The following KCTD1 variants were observed in gnomAD, a reference collection of about 807,000 sequenced individuals.
KCTD1 encodes BTB/POZ domain-containing protein KCTD1.
Under a neutral mutation model 66.0 loss-of-function variants are expected in KCTD1, and 24 were observed. That is an observed-to-expected ratio of 0.36 (90% confidence interval 0.26 to 0.51). The LOEUF is 0.51. Among genes scored for constraint, KCTD1 ranks in the 20% least tolerant of loss-of-function variants. KCTD1 has a pLI of 0.95. For synonymous variants in KCTD1, 511 were observed against 517.2 expected (o/e 0.99, Z 0.16); for missense variants, 943 against 1,205.2 (o/e 0.78, Z 3.22).
intron 2 of KCTD1, among the ~76,000 whole-genome samples, chr18:26,489,968 A>G (rs1005654732): frequency 2.0e-5 from 3 of 152,218 alleles, no homozygotes; most frequent in Non-Finnish European, 4.4e-5. Context: ...TGGTATGATA[A>G]GGGTAGACTC....
At chr18:26,516,304 T>C (rs1017691379) in intron 1 of KCTD1, among the ~76,000 whole-genome samples, 9 of 152,234 alleles carry the variant, frequency 5.9e-5, no homozygotes, top group African/African-American at 1.7e-4. Flanking sequence ...AATGCCTGTG[T>C]GCTTCCCTGT....
rs936064879 is a variant in KCTD1 at position 26,513,287 on chromosome 18, T to C, written c.1810-12037A>G. On this transcript the variant is annotated intron_variant, in intron 1 of 4. Coordinates refer to ENST00000580059, the MANE Select transcript of KCTD1 (RefSeq NM_001142730.3). ...TATTTTTAGTAGAGACGGGGTTTCATCGCGTTAGCCAGGATGGTCTCCATC... is the reference window on the plus strand; with the variant it reads ...TATTTTTAGTAGAGACGGGGTTTCACCGCGTTAGCCAGGATGGTCTCCATC... 4.3e-3 allele frequency among the ~76,000 whole-genome samples: 651 copies of C among 152,116 alleles called. 5 individuals are homozygous for C. The highest frequency in any genetic ancestry group is 0.015 in the African/African-American group (622 of 41,494).
At chr18:26,649,166 C>T (rs771043739) in intron 1 of KCTD1, among the ~76,000 whole-genome samples, 10 of 152,338 alleles carry the variant, frequency 6.6e-5, no homozygotes, top group Non-Finnish European at 1.2e-4. Context: ...CTGTTCCATT[C>T]CCTGGCAGCA....
upstream of KCTD1, among the ~76,000 whole-genome samples, chr18:26,631,502 T>C (rs1169853845): frequency 1.3e-5 from 2 of 152,184 alleles, no homozygotes; most frequent in African/African-American, 4.8e-5. Context: ...GGTATTCTAA[T>C]CTAATGGGAC....
Position 26,589,905 on chromosome 18 carries a change from G to A in KCTD1, c.-16+39242C>T, listed in dbSNP as rs188722245. 3.3e-5 allele frequency among the ~76,000 whole-genome samples: 5 copies of A among 152,134 alleles called. No individual in the cohort carries two copies. In the South Asian group the frequency reaches 1.0e-3, roughly 32 times the overall value. On this transcript the variant is annotated intron_variant, in intron 1 of 4. Transcript: ENST00000317932. ...GAAACAGCATCTTCTCTGACTTCAT[G>A]AAGTCATAACTACATGTGATACCCA...
chr18:26,503,405 T>C (rs1982867750), intron 1 of KCTD1, among the ~76,000 whole-genome samples: 1 of 152,134 alleles, frequency 6.6e-6, no homozygotes, highest in African/African-American at 2.4e-5. Context: ...ACAGAAAACA[T>C]ATTTTTCCTT....
upstream of KCTD1, chr18:26,549,893 GC>G: frequency 1.2e-6 from 1 of 803,992 alleles, no homozygotes; most frequent in Non-Finnish European, 1.5e-6. Context: ...CCCCCGGCGC[GC>G]CCAGGCTCCG....
chr18:26,640,814 T>G (rs931087128), upstream of KCTD1, among the ~76,000 whole-genome samples: 2 of 152,068 alleles, frequency 1.3e-5, no homozygotes, highest in African/African-American at 4.8e-5. Flanking sequence ...CACTGGTTTG[T>G]TCTAAAGTCA....
chr18:26,643,759 G>T (rs184640408), upstream of KCTD1, among the ~76,000 whole-genome samples: 1 of 152,102 alleles, frequency 6.6e-6, no homozygotes, highest in Non-Finnish European at 1.5e-5. Context: ...TCAGGAGATG[G>T]AGACCATCCT....
intron 1 of KCTD1, among the ~76,000 whole-genome samples, chr18:26,647,551 A>G (rs892481050): frequency 1.5e-5 from 2 of 131,312 alleles, no homozygotes; most frequent in African/African-American, 6.0e-5. Flanking sequence ...AAAAAAAAAA[A>G]AAAGGGCTGA....
At chr18:26,613,280 GT>G (rs56041337) in intron 1 of KCTD1, among the ~76,000 whole-genome samples, 43,596 of 151,984 alleles carry the variant, frequency 0.29, 6,327 homozygotes, top group South Asian at 0.36. Context: ...TTCCTGTCTT[GT>G]TTTCAAAGAA....
chr18:26,489,082 T>A (rs1381320255), intron 2 of KCTD1, among the ~76,000 whole-genome samples: 1 of 152,168 alleles, frequency 6.6e-6, no homozygotes. Flanking sequence ...CTGGGTACCT[T>A]CGAAAGGCCA....
chr18:26,462,981 A>C (rs1309873629), intron 3 of KCTD1, among the ~76,000 whole-genome samples: 1 of 151,974 alleles, frequency 6.6e-6, no homozygotes, highest in African/African-American at 2.4e-5. Flanking sequence ...CTTGGTGGAA[A>C]TAGGCAGGGG....
rs144262731 is a variant in KCTD1 at position 26,526,455 on chromosome 18, G to A, written c.1809+20273C>T. ...GGGTGGCACGCGATGACCATTTTAC[G>A]GCTTCTAAATAGTCCTACATGTGTT... is the stretch of plus-strand genomic sequence containing the variant. On this transcript the variant is annotated intron_variant, in intron 1 of 4. Coordinates refer to ENST00000580059, the MANE Select transcript of KCTD1 (RefSeq NM_001142730.3). Among the ~76,000 whole-genome samples, 10 of 152,256 alleles carry A rather than the reference G, an allele frequency of 6.6e-5. No homozygotes were observed. The East Asian group carries it at 1.7e-3, about 26-fold the overall frequency.
At chr18:26,551,861 C>T (rs1363515600), upstream of KCTD1, among the ~76,000 whole-genome samples, 1 of 152,228 alleles carries the variant, frequency 6.6e-6, no homozygotes, top group Non-Finnish European at 1.5e-5. Flanking sequence ...CAGGCAGCAT[C>T]CAATTCCTCT....
chr18:26,650,787 A>C (rs1277629661), intron 1 of KCTD1, among the ~76,000 whole-genome samples: 1 of 152,258 alleles, frequency 6.6e-6, no homozygotes, highest in Non-Finnish European at 1.5e-5. Context: ...CAGCAAAGTG[A>C]AAGTGCTACA....
intron 1 of KCTD1, among the ~76,000 whole-genome samples, chr18:26,589,162 G>GGGGGAGGGCTGT (rs1467726031): frequency 4.6e-5 from 7 of 152,302 alleles, no homozygotes; most frequent in African/African-American, 1.2e-4. Context: ...GATAAGACCT[G>GGGGGAGGGCTGT]GGGGAGGACA....
At chr18:26,502,119 G>A (rs186937448) in intron 1 of KCTD1, among the ~76,000 whole-genome samples, 3 of 152,230 alleles carry the variant, frequency 2.0e-5, no homozygotes, top group Non-Finnish European at 2.9e-5. Context: ...GCACGATCTC[G>A]GCTCACTGCC....
Position 26,459,704 on chromosome 18 carries a change from G to C in KCTD1, c.2355C>G (p.Asn785Lys). ...VFPEIGDVMCNSVNAGWNHDS... is the reference protein window; with the variant it reads ...VFPEIGDVMCKSVNAGWNHDS... ...CGTGATTCCAGCCTGCATTGACAGA[G>C]TTACACATCACGTCGCCGATCTCTG... is the stretch of plus-strand genomic sequence containing the variant. Residue 785 changes from asparagine to lysine, a missense_variant, in exon 4 of 5, where the codon AAC becomes AAG. This residue lies in a region of KCTD1 where 162 missense variants were observed against 232.4 expected (regional missense o/e 0.70). Coordinates refer to ENST00000580059, the MANE Select transcript of KCTD1 (RefSeq NM_001142730.3). 6.2e-7 allele frequency: 1 copy of C among 1,614,066 alleles called. No homozygotes were observed. Among genetic ancestry groups the C allele is most frequent in the Non-Finnish European group, 8.5e-7 (1 of 1,179,922 alleles).
Sources: allele counts gnomAD v4.1 joint callset (sites outside exome capture counted in the v4.1 genomes callset), GRCh38; gene constraint gnomAD v4.1.1; regional missense constraint gnomAD v4.1.1; transcripts MANE v1.5; gene names NCBI Gene and HGNC (gene_info 2026-07-23, HGNC 2026-07-21).